The following ADGRB2 variants were observed in gnomAD, a reference collection of about 807,000 sequenced individuals.
ADGRB2 encodes adhesion G protein-coupled receptor B2.
Under a neutral mutation model 178.7 loss-of-function variants are expected in ADGRB2, and 47 were observed. The ratio of observed to expected loss-of-function variants is 0.26; its 90% CI spans 0.21 to 0.34. The LOEUF (loss-of-function observed/expected upper bound fraction) is 0.34. ADGRB2 is among the 10% of genes least tolerant of loss of function. ADGRB2 has a pLI of 1.00. For synonymous variants in ADGRB2, 870 were observed against 912.4 expected, an observed-to-expected ratio of 0.95 and a Z score of 0.84; for missense variants, 1,584 against 2,180.8, an observed-to-expected ratio of 0.73 and a Z score of 5.45.
intron 25 of ADGRB2, among the ~76,000 whole-genome samples, chr1:31,734,703 C>T (rs1342266035): frequency 6.6e-6 from 1 of 152,172 alleles, no homozygotes; most frequent in Non-Finnish European, 1.5e-5. Flanking sequence ...TCTCTGTCTC[C>T]AATTGAGTGT....
rs1200304387 is a variant in ADGRB2, at chr1:31,756,455, G to A, written c.382C>T (p.Pro128Ser). ...GCCGCCTCTGCCTCCTCCTCTTCTG[G>A]CCGCCCCACCTCTGACTCCGCCTGG... ...VAQAESEVGR[P>S]EEEEAEAAAG... Residue 128 changes from proline to serine, a missense_variant, in exon 4 of 33, where the codon CCA becomes TCA. Physicochemically the swap from Pro to Ser is moderately conservative, Grantham distance 74 (BLOSUM62 -1). This residue lies in a region of ADGRB2 where 657 missense variants were observed against 847.6 expected (regional missense o/e 0.78). Coordinates refer to ENST00000373658, the MANE Select transcript of ADGRB2 (RefSeq NM_001364857.2). The surrounding 1 kb of genome is among the most constrained non-coding windows in gnomAD (Gnocchi z 8.5). The A allele has an allele frequency of 6.2e-7, 1 of 1,610,768 alleles. No individual in the cohort carries two copies. Among genetic ancestry groups the A allele is most frequent in the Non-Finnish European group, 8.5e-7 (1 of 1,178,540 alleles).
rs779293709 is a variant in ADGRB2, at chr1:31,739,569, C to T, written c.2234G>A (p.Arg745His). 7 of 1,611,544 alleles carry T rather than the reference C, an allele frequency of 4.3e-6. No individual in the cohort carries two copies. The highest frequency in any genetic ancestry group is 1.1e-5 in the South Asian group (1 of 90,834). ...SSDITFPMRG[R>H]RGMKDWVRHS... ...CCGCACCCAGTCCTTCATGCCCCGG[C>T]GGCCCCGCATGGGGAACGTGATGTC... Residue 745 changes from arginine (R) to histidine (H), a missense_variant, in exon 15 of 33, where the codon CGC (arginine) becomes CAC (histidine). Arg to His is a conservative substitution (Grantham distance 29). Around this residue, in one of 3 missense-constraint regions of ADGRB2, gnomAD observed 865 missense variants for 1,192.8 expected, o/e 0.73. Transcript: ENST00000373658.
chr1:31,757,724 C>A (rs967364308), intron 1 of ADGRB2, among the ~76,000 whole-genome samples: 1 of 152,220 alleles, frequency 6.6e-6, no homozygotes, highest in Non-Finnish European at 1.5e-5. Context: ...CCCCACCCCC[C>A]ACTACCCACC....
intron 20 of ADGRB2, 147 bp from the exon 21 acceptor site, chr1:31,736,870 C>G (rs1196074702): frequency 6.4e-6 from 8 of 1,248,384 alleles, no homozygotes; most frequent in Non-Finnish European, 8.7e-6. Context: ...CCCCCGCCTT[C>G]CTGCACCCAC....
chr1:31,740,122 G>A lies in ADGRB2; in HGVS notation c.2046C>T (p.Asp682=), dbSNP rs1037892206. The A allele has an allele frequency of 3.1e-6, 5 of 1,614,122 alleles. No individual in the cohort carries two copies. Among genetic ancestry groups the A allele is most frequent in the African/African-American group, 1.3e-5 (1 of 75,046 alleles). ...CTGTGCCCCGCACCTGCTGAGCATCGTCCCACTTCTCCTTGTTTTCCGCAT... is the reference window on the plus strand; with the variant it reads ...CTGTGCCCCGCACCTGCTGAGCATCATCCCACTTCTCCTTGTTTTCCGCAT... ...MVDAENKEKW[D]DAQQVSPGSV... is the part of the protein sequence containing the mutation. Residue 682 remains aspartate, a synonymous_variant, in exon 13 of 33, where the codon GAC becomes GAT. Transcript: ENST00000373658. This position sits in a 1 kb window ranked among gnomAD's most constrained non-coding sequence, Gnocchi z 5.9.
rs371878153 is a variant in ADGRB2 at position 31,733,030 on chromosome 1, A to G, written c.3566T>C (p.Val1189Ala). 3.9e-5 allele frequency: 61 copies of G among 1,573,764 alleles called. No individual in the cohort carries two copies. The highest frequency in any genetic ancestry group is 5.0e-5 in the Non-Finnish European group (58 of 1,159,982). The part of the protein sequence containing the change: ...RSVLFQALFA[V>A]FNSAQGFVIT... ...GACAAAGCCCTGCGCGGAGTTGAAG[A>G]CAGCAAAGAGGGCCTGGAAGAGGAC... Residue 1189 changes from valine to alanine, a missense_variant, in exon 26 of 33, where the codon GTC (valine) becomes GCC (alanine). Transcript: ENST00000373658. This position sits in a 1 kb window ranked among gnomAD's most constrained non-coding sequence, Gnocchi z 4.3.
At chr1:31,730,099 G>C (rs1340998136) in intron 29 of ADGRB2, among the ~76,000 whole-genome samples, 1 of 152,184 alleles carries the variant, frequency 6.6e-6, no homozygotes, top group East Asian at 1.9e-4. Context: ...ATGTTCTAGA[G>C]TTCCACAGCA....
chr1:31,738,260 G>A lies in ADGRB2; in HGVS notation c.2712C>T (p.Thr904=), dbSNP rs1250599455. Residue 904 remains threonine, a synonymous_variant, in exon 18 of 33, where the codon ACC becomes ACT. Coordinates refer to ENST00000373658, the MANE Select transcript of ADGRB2 (RefSeq NM_001364857.2). ...CQTLETQAAH[T]RCQCQHLSTF... ...TGGACAGGTGCTGGCACTGGCAGCG[G>A]GTGTGAGCTGCCTGGGTCTCCAGGG... 2.5e-6 allele frequency: 4 copies of A among 1,614,130 alleles called. No individual in the cohort carries two copies. The highest frequency in any genetic ancestry group is 1.7e-5 in the Admixed American group (1 of 60,026).
Position 31,759,237 on chromosome 1 carries a change from G to A in ADGRB2, c.-190-1726C>T. 1.3e-6 allele frequency: 1 copy of A among 769,420 alleles called. No homozygotes were observed. Among genetic ancestry groups the A allele is most frequent in the Non-Finnish European group, 2.4e-6 (1 of 410,288 alleles). 47.7% of individuals were successfully genotyped at this position (769,420 alleles called of 1,614,324 possible). Reference sequence around the variant, plus strand: ...TTCATGCTGTCACACACACTCAGGAGTTAACACGCACACACAGGGGTGTAG... The same window carrying A: ...TTCATGCTGTCACACACACTCAGGAATTAACACGCACACACAGGGGTGTAG... On this transcript the variant is annotated intron_variant, in intron 1 of 32. Transcript: ENST00000373658. This position sits in a 1 kb window ranked among gnomAD's most constrained non-coding sequence, Gnocchi z 4.3.
chr1:31,728,573 C>G lies in ADGRB2; in HGVS notation c.4416+25G>C. 1 of 1,614,044 alleles carries G rather than the reference C, an allele frequency of 6.2e-7. No individual in the cohort carries two copies. The highest frequency in any genetic ancestry group is 8.5e-7 in the Non-Finnish European group (1 of 1,179,926). ...CAGACACCACAGCCAGATGTCCCACCGCCCAGCACACACATGGCCCTTACC... is the reference window on the plus strand; with the variant it reads ...CAGACACCACAGCCAGATGTCCCACGGCCCAGCACACACATGGCCCTTACC... On this transcript the variant is annotated intron_variant, in intron 30 of 32. Coordinates refer to ENST00000373658, the MANE Select transcript of ADGRB2 (RefSeq NM_001364857.2). This position sits in a 1 kb window ranked among gnomAD's most constrained non-coding sequence, Gnocchi z 6.7.
chr1:31,741,854 G>A lies in ADGRB2; in HGVS notation c.1531C>T (p.Pro511Ser), dbSNP rs1206108657. 2 of 1,609,468 alleles carry A rather than the reference G, an allele frequency of 1.2e-6. No individual in the cohort carries two copies. Among genetic ancestry groups the A allele is most frequent in the Non-Finnish European group, 1.7e-6 (2 of 1,176,910 alleles). ...MCQATGTQGY[P>S]CEGTGEEVKP... ...ACCTCCTCTCCGGTGCCCTCGCAGG[G>A]GTAGCCCTGCGTGCCCGTGGCCTGG... is the stretch of plus-strand genomic sequence containing the variant. The change falls in exon 9 of 33, where the codon CCC becomes TCC. Residue 511 changes from proline (P) to serine (S), a missense_variant. Coordinates refer to ENST00000373658, the MANE Select transcript of ADGRB2 (RefSeq NM_001364857.2). The surrounding 1 kb of genome is among the most constrained non-coding windows in gnomAD (Gnocchi z 6.5).
chr1:31,736,511 C>A (rs1453209801), intron 21 of ADGRB2, 62 bp downstream of exon 21: 2 of 1,599,434 alleles, frequency 1.3e-6, no homozygotes, highest in Admixed American at 3.4e-5. Context: ...CAAAGCTGAA[C>A]CTCTCTTGCT....
At chr1:31,749,844 G>A (rs547489573) in intron 4 of ADGRB2, among the ~76,000 whole-genome samples, 30 of 152,220 alleles carry the variant, frequency 2.0e-4, no homozygotes, top group East Asian at 1.2e-3. Flanking sequence ...TTGAGGCCAC[G>A]AGTTCGAGGC....
chr1:31,743,391 A>C, intron 6 of ADGRB2: 1 of 164,152 alleles, frequency 6.1e-6, no homozygotes, highest in Non-Finnish European at 1.2e-5. Flanking sequence ...AATACAACAC[A>C]GCAGTCCGGG....
intron 1 of ADGRB2, among the ~76,000 whole-genome samples, chr1:31,757,980 G>A (rs955139295): frequency 6.6e-6 from 1 of 152,166 alleles, no homozygotes; most frequent in Non-Finnish European, 1.5e-5. Flanking sequence ...AGTGGGTAAG[G>A]GCTGAGGATG....
rs887943305 is a variant in ADGRB2 at position 31,737,372 on chromosome 1, C to T, written c.2979+57G>A. 50 of 1,501,092 alleles carry T rather than the reference C, an allele frequency of 3.3e-5. No individual in the cohort carries two copies. The East Asian group carries it at 1.0e-3, about 30-fold the overall frequency. The allele number at this position is 1,501,092 out of a possible 1,614,324, so 93.0% of individuals were successfully genotyped here. On this transcript the variant is annotated intron_variant, in intron 20 of 32. Transcript: ENST00000373658. ...AAGCAAACACACACACTGCGCTCTC[C>T]ACCCTCACCCCTCCACCCCACTCAC...
chr1:31,741,788 T>G lies in ADGRB2; in HGVS notation c.1585+12A>C. 6.3e-7 allele frequency: 1 copy of G among 1,595,844 alleles called. No homozygotes were observed. The highest frequency in any genetic ancestry group is 8.6e-7 in the Non-Finnish European group (1 of 1,167,742). On this transcript the variant is annotated intron_variant, in intron 9 of 32. Transcript: ENST00000373658. The surrounding 1 kb of genome is among the most constrained non-coding windows in gnomAD (Gnocchi z 6.5). ...ATGGGGCCCCCAGCCCCCAGGGTCATTAGGGCAGTACCTGGACACCTCTTC... is the reference window on the plus strand; with the variant it reads ...ATGGGGCCCCCAGCCCCCAGGGTCAGTAGGGCAGTACCTGGACACCTCTTC...
At position 31,759,474 on chromosome 1, in the gene ADGRB2, G is replaced by A. The variant is rs1409326659; in HGVS notation, c.-190-1963C>T. The A allele has an allele frequency of 1.4e-6, 1 of 732,694 alleles. No homozygotes were observed. The highest frequency in any genetic ancestry group is 1.7e-5 in the African/African-American group (1 of 58,204). 45.4% of individuals were successfully genotyped at this position (732,694 alleles called of 1,614,324 possible). A position where few individuals can be genotyped will look rare whatever the true frequency, so the allele number is the denominator to read the frequency against. On this transcript the variant is annotated intron_variant, in intron 1 of 32. Transcript: ENST00000373658. The surrounding 1 kb of genome is among the most constrained non-coding windows in gnomAD (Gnocchi z 4.3). The stretch of plus-strand genomic sequence containing the variant: ...CTACTCCACAGCCCCGCCCCATCAA[G>A]AAGCACAAGGTCCACATCCTTCAGA...
Position 31,759,534 on chromosome 1 carries a change from T to C in ADGRB2, c.-190-2023A>G. ...TGGCTTCTCCAGAATGGAGTCACTT[T>C]TAACCCAATCCAACCCCCCTCCTCC... On this transcript the variant is annotated intron_variant, in intron 1 of 32. Transcript: ENST00000373658. The surrounding 1 kb of genome is among the most constrained non-coding windows in gnomAD (Gnocchi z 4.3). 1.6e-6 allele frequency: 1 copy of C among 621,356 alleles called. No homozygotes were observed. The highest frequency in any genetic ancestry group is 2.9e-6 in the Non-Finnish European group (1 of 342,224). 38.5% of individuals were successfully genotyped at this position (621,356 alleles called of 1,614,324 possible).
Sources: gnomAD v4.1 joint callset for allele counts (sites outside exome capture counted in the v4.1 genomes callset) on GRCh38, gnomAD v4.1.1 for gene constraint, gnomAD v4.1.1 regional missense constraint, Gnocchi (gnomAD v3.1) non-coding constraint, MANE v1.5 for transcripts, NCBI Gene and HGNC (gene_info 2026-07-23, HGNC 2026-07-21) for gene names.